PRKCB: variants seen among roughly 807,000 people sequenced by gnomAD.
PRKCB encodes the protein protein kinase C beta.
A neutral mutation model predicts 81.5 loss-of-function variants in PRKCB; 13 were observed. The observed-to-expected ratio is 0.16, with a 90% CI of 0.10 to 0.25. The LOEUF (loss-of-function observed/expected upper bound fraction) is 0.25, where lower values mean the gene tolerates loss of function less well. Ranked by LOEUF, PRKCB falls within the 10% of genes least tolerant of loss-of-function variation. The pLI, the probability that PRKCB is intolerant of heterozygous loss-of-function variation, is 1.00. For missense variants in PRKCB, 509 were observed against 875.7 expected, an observed-to-expected ratio of 0.58 and a Z score of 5.29; for synonymous variants, 335 against 321.4, an observed-to-expected ratio of 1.04 and a Z score of -0.45.
At position 24,036,662 on chromosome 16, in the gene PRKCB, G is replaced by A. The variant is rs193282884; in HGVS notation, c.529+1115G>A. 7.9e-5 allele frequency among the ~76,000 whole-genome samples: 12 copies of A among 152,218 alleles called. No individual in the cohort carries two copies. In the East Asian group the frequency reaches 1.7e-3, roughly 22 times the overall value. On this transcript the variant is annotated intron_variant, in intron 5 of 16. Coordinates refer to ENST00000643927, the MANE Select transcript of PRKCB (RefSeq NM_002738.7). Reference sequence around the variant, plus strand: ...ATAATTCTTTTAAACTTGAGATTTCGTGAAGCCCAGTGAGATTTTAGAAAA... The same window carrying A: ...ATAATTCTTTTAAACTTGAGATTTCATGAAGCCCAGTGAGATTTTAGAAAA...
intron 10 of PRKCB, among the ~76,000 whole-genome samples, chr16:24,162,289 C>G (rs1382547929): frequency 6.6e-6 from 1 of 152,044 alleles, no homozygotes; most frequent in African/African-American, 2.4e-5. Flanking sequence ...GGGCTGGCAG[C>G]AGTACCCAAG....
intron 10 of PRKCB, among the ~76,000 whole-genome samples, chr16:24,168,553 T>C (rs1301626342): frequency 1.6e-4 from 14 of 84,918 alleles, no homozygotes; most frequent in African/African-American, 7.4e-4. Context: ...TTTTTTTTTT[T>C]TTTTTTTTTT....
Position 24,216,720 on chromosome 16 carries a change from T to A in PRKCB, c.*1904T>A. 1.0e-6 allele frequency: 1 copy of A among 985,412 alleles called. No homozygotes were observed. Among genetic ancestry groups the A allele is most frequent in the Non-Finnish European group, 1.2e-6 (1 of 829,950 alleles). The allele number at this position is 985,412 out of a possible 1,614,324, so 61.0% of individuals were successfully genotyped here. A position where few individuals can be genotyped will look rare whatever the true frequency, so the allele number is the denominator to read the frequency against. ...CTGTGGTGGCAATCAGGACCTAAGG[T>A]GAAGCAAACTTGAAGTTCTATCTGA... On this transcript the variant is annotated 3_prime_UTR_variant, in exon 17 of 17. Transcript: ENST00000643927.
chr16:24,157,781 C>G (rs1967184907), intron 10 of PRKCB, among the ~76,000 whole-genome samples: 1 of 151,904 alleles, frequency 6.6e-6, no homozygotes, highest in Non-Finnish European at 1.5e-5. Context: ...TCGCTCTGCA[C>G]TTCTCCTTGC....
chr16:24,004,304 G>C (rs140843537), intron 3 of PRKCB, among the ~76,000 whole-genome samples: 4 of 151,906 alleles, frequency 2.6e-5, no homozygotes, highest in African/African-American at 9.7e-5. Flanking sequence ...AAATAAAAGG[G>C]ACAAAAGTGT....
At chr16:23,868,056 A>G (rs1485810246) in intron 2 of PRKCB, among the ~76,000 whole-genome samples, 1 of 152,150 alleles carries the variant, frequency 6.6e-6, no homozygotes, top group East Asian at 1.9e-4. Context: ...TTTTCTGAAG[A>G]TCTCCTTATA....
intron 3 of PRKCB, among the ~76,000 whole-genome samples, chr16:24,022,269 T>C (rs1453540461): frequency 6.6e-6 from 1 of 151,670 alleles, no homozygotes; most frequent in Non-Finnish European, 1.5e-5. Flanking sequence ...CTGGCAGAGG[T>C]CCCAAATCCA....
At chr16:24,078,308 G>T (rs1453242139) in intron 5 of PRKCB, among the ~76,000 whole-genome samples, 1 of 152,234 alleles carries the variant, frequency 6.6e-6, no homozygotes, top group African/African-American at 2.4e-5. Context: ...CCCAAGCAAG[G>T]GTGGGGCCCC....
chr16:24,182,706 C>G (rs979124590), intron 13 of PRKCB, among the ~76,000 whole-genome samples: 2 of 152,138 alleles, frequency 1.3e-5, no homozygotes, highest in African/African-American at 2.4e-5. Flanking sequence ...CTGCTTATCC[C>G]TCCCATCTGT....
chr16:24,192,317 G>C (rs1967805978), intron 16 of PRKCB, among the ~76,000 whole-genome samples: 1 of 152,194 alleles, frequency 6.6e-6, no homozygotes, highest in Non-Finnish European at 1.5e-5. Context: ...ATTAATTAAT[G>C]TCCCGGTGTA....
Position 24,189,414 on chromosome 16 carries a change from A to G in PRKCB, c.1723-1676A>G, listed in dbSNP as rs182607222. Reference sequence around the variant, plus strand: ...AGCACTTTGGGAGGCTGAGGCAGGCAGATCATGAGGTCAGGAGATCGAGAC... The same window carrying G: ...AGCACTTTGGGAGGCTGAGGCAGGCGGATCATGAGGTCAGGAGATCGAGAC... On this transcript the variant is annotated intron_variant, in intron 15 of 16. Coordinates refer to ENST00000643927, the MANE Select transcript of PRKCB (RefSeq NM_002738.7). Among the ~76,000 whole-genome samples the G allele has an allele frequency of 1.5e-3, 231 of 152,068 alleles. 1 individual carries two copies. The highest frequency in any genetic ancestry group is 5.3e-3 in the African/African-American group (219 of 41,508).
chr16:24,172,560 G>A (rs1025013722), intron 11 of PRKCB, among the ~76,000 whole-genome samples, 199 bp downstream of exon 11: 1 of 152,032 alleles, frequency 6.6e-6, no homozygotes, highest in Admixed American at 6.6e-5. Flanking sequence ...AGAACCTGAA[G>A]CTCAGACAGA....
intron 3 of PRKCB, among the ~76,000 whole-genome samples, chr16:23,996,924 C>T (rs192838317): frequency 5.9e-5 from 9 of 152,206 alleles, no homozygotes; most frequent in East Asian, 3.9e-4. Flanking sequence ...GGTGCTTTTT[C>T]TCTGATAGCC....
At chr16:24,077,425 A>G (rs1434035291) in intron 5 of PRKCB, among the ~76,000 whole-genome samples, 2 of 151,222 alleles carry the variant, frequency 1.3e-5, no homozygotes, top group East Asian at 3.9e-4. Context: ...CCATCCATCC[A>G]TCCATCCAAT....
intron 2 of PRKCB, among the ~76,000 whole-genome samples, chr16:23,891,137 A>C (rs1472470450): frequency 6.6e-6 from 1 of 151,102 alleles, no homozygotes; most frequent in Non-Finnish European, 1.5e-5. Context: ...CCTGGGCTTA[A>C]GTGAGCCTCC....
intron 3 of PRKCB, among the ~76,000 whole-genome samples, chr16:24,011,026 G>A (rs2141837442): frequency 6.6e-6 from 1 of 152,220 alleles, no homozygotes; most frequent in East Asian, 1.9e-4. Context: ...CGCTACGCCT[G>A]GTTGATTTTT....
intron 2 of PRKCB, among the ~76,000 whole-genome samples, chr16:23,964,935 G>T (rs571378667): frequency 4.6e-5 from 7 of 152,292 alleles, no homozygotes; most frequent in African/African-American, 1.7e-4. Context: ...CTCCCAAAGT[G>T]CTGGGATTAC....
intron 5 of PRKCB, among the ~76,000 whole-genome samples, chr16:24,076,971 T>C (rs1966185956): frequency 6.6e-6 from 1 of 152,138 alleles, no homozygotes; most frequent in Admixed American, 6.5e-5. Context: ...TGCTGGAAAA[T>C]AGCTGCAGCT....
intron 5 of PRKCB, among the ~76,000 whole-genome samples, chr16:24,056,524 C>T (rs545228394): frequency 1.6e-4 from 24 of 152,248 alleles, no homozygotes; most frequent in African/African-American, 5.3e-4. Flanking sequence ...ATGTGATCCT[C>T]GGTGTTGGAG....
Sources: gnomAD v4.1 joint callset for allele counts (sites outside exome capture counted in the v4.1 genomes callset) on GRCh38, gnomAD v4.1.1 for gene constraint, MANE v1.5 for transcripts, NCBI Gene and HGNC (gene_info 2026-07-23, HGNC 2026-07-21) for gene names.